The following ARV1 variants were observed in gnomAD, a reference collection of about 807,000 sequenced individuals.
ARV1 encodes the protein ARV1 fatty acid homeostasis modulator.
In ARV1, 26 loss-of-function variants were observed where a neutral mutation model predicts 31.1. The observed-to-expected ratio is 0.84, with a 90% CI of 0.61 to 1.16. The LOEUF (loss-of-function observed/expected upper bound fraction) is 1.16, where lower values mean the gene tolerates loss of function less well. Ranked by LOEUF, ARV1 falls within the 50% of genes most tolerant of loss-of-function variation. ARV1 has a pLI of 0.00. For missense variants in ARV1, 281 were observed against 324.9 expected (o/e 0.86, Z 1.04); for synonymous variants, 117 against 123.2 (o/e 0.95, Z 0.34).
chr1:230,999,235 T>G lies in ARV1; in HGVS notation c.*5-903T>G, dbSNP rs111413103. ...AGTGTCCACAGGTCTGATGTGGAAT[T>G]CGGTGTCACCTGCACTCTCCTGTTG... On this transcript the variant is annotated intron_variant, in intron 5 of 5. Coordinates refer to ENST00000310256, the MANE Select transcript of ARV1 (RefSeq NM_022786.3). Among the ~76,000 whole-genome samples, 934 of 152,302 alleles carry G rather than the reference T, an allele frequency of 6.1e-3. 6 individuals carry two copies. Among genetic ancestry groups the G allele is most frequent in the African/African-American group, 0.021 (875 of 41,564 alleles).
At chr1:230,995,630 G>A in intron 3 of ARV1, 130 bp from the exon 4 acceptor site, 2 of 662,780 alleles carry the variant, frequency 3.0e-6, no homozygotes, top group Non-Finnish European at 4.9e-6. Context: ...AAAAGAGATT[G>A]TGATCTTGAG....
chr1:230,984,246 G>C (rs112533398), intron 1 of ARV1, among the ~76,000 whole-genome samples: 16 of 152,050 alleles, frequency 1.1e-4, no homozygotes, highest in Non-Finnish European at 2.4e-4. Context: ...GTGAGACCTT[G>C]TCTCAAAAAG....
At chr1:230,981,871 C>T (rs976712281) in intron 1 of ARV1, among the ~76,000 whole-genome samples, 3 of 152,170 alleles carry the variant, frequency 2.0e-5, no homozygotes, top group Non-Finnish European at 4.4e-5. Flanking sequence ...TTCCTCAAGG[C>T]CTTTGCACAA....
chr1:230,984,359 T>TGTGCGC (rs1553303944), intron 1 of ARV1, among the ~76,000 whole-genome samples: 67 of 93,450 alleles, frequency 7.2e-4, no homozygotes, highest in Non-Finnish European at 1.0e-3. Context: ...TGTGTGTGTG[T>TGTGCGC]GTGCGTGTGT....
At chr1:230,990,043 G>T (rs1030298174) in intron 2 of ARV1, 67 bp from the exon 3 acceptor site, 2 of 1,480,262 alleles carry the variant, frequency 1.4e-6, no homozygotes, top group Middle Eastern at 1.8e-4. Context: ...CAAATACTCT[G>T]TACCTGTTGA....
intron 2 of ARV1, 149 bp downstream of exon 2, chr1:230,988,588 G>C (rs1679145040): frequency 1.6e-6 from 1 of 623,704 alleles, no homozygotes; most frequent in Non-Finnish European, 2.5e-6. Flanking sequence ...AACATATCTG[G>C]AAGTTTCTAG....
chr1:230,979,172 C>G lies in ARV1; in HGVS notation c.67C>G (p.Pro23Ala), dbSNP rs764360395. 8 of 1,613,144 alleles carry G rather than the reference C, an allele frequency of 5.0e-6. No homozygotes were observed. In the South Asian group the frequency reaches 5.5e-5, roughly 11 times the overall value. Residue 23 changes from proline to alanine, a missense_variant, in exon 1 of 6, where the codon CCT (proline) becomes GCT (alanine). Coordinates refer to ENST00000310256, the MANE Select transcript of ARV1 (RefSeq NM_022786.3). ...KGNVDGVAAT[P>A]TAASASCQYR... ...GAACGTGGATGGGGTGGCAGCGACT[C>G]CTACTGCTGCCTCGGCCTCCTGCCA...
chr1:230,981,012 T>C (rs1191411642), intron 1 of ARV1, among the ~76,000 whole-genome samples: 1 of 152,210 alleles, frequency 6.6e-6, no homozygotes, highest in African/African-American at 2.4e-5. Context: ...CAGTTAATGA[T>C]CAGCAGCATT....
At chr1:230,986,666 C>CTTTTT (rs1558242688) in intron 1 of ARV1, among the ~76,000 whole-genome samples, 2 of 79,690 alleles carry the variant, frequency 2.5e-5, no homozygotes, top group Non-Finnish European at 2.5e-5. Flanking sequence ...AATACTTTTC[C>CTTTTT]TATTTTTTTT....
chr1:230,984,363 C>CGCGCGT (rs1191353620), intron 1 of ARV1, among the ~76,000 whole-genome samples: 1 of 129,762 alleles, frequency 7.7e-6, no homozygotes, highest in Admixed American at 7.9e-5. Context: ...TGTGTGTGTG[C>CGCGCGT]GTGTGTGTGT....
chr1:230,993,998 G>A (rs917602817), intron 3 of ARV1, among the ~76,000 whole-genome samples: 5 of 152,226 alleles, frequency 3.3e-5, no homozygotes, highest in African/African-American at 1.2e-4. Flanking sequence ...AGGTAGGTAG[G>A]TTAGGGGTTC....
rs116139790 is a variant in ARV1, at chr1:230,985,878, T to C, written c.175-2442T>C. Among the ~76,000 whole-genome samples, 920 of 152,194 alleles carry C rather than the reference T, an allele frequency of 6.0e-3. 12 individuals carry two copies. The highest frequency in any genetic ancestry group is 0.021 in the African/African-American group (863 of 41,540). On this transcript the variant is annotated intron_variant, in intron 1 of 5. Transcript: ENST00000310256. Reference sequence around the variant, plus strand: ...CTTACTCCCTGCTCAGGTAAAGAACTGCAAAAATATTAACTCCTTATGCGT... The same window carrying C: ...CTTACTCCCTGCTCAGGTAAAGAACCGCAAAAATATTAACTCCTTATGCGT...
At chr1:230,988,966 T>C (rs1304583175) in intron 2 of ARV1, among the ~76,000 whole-genome samples, 1 of 152,094 alleles carries the variant, frequency 6.6e-6, no homozygotes, top group Non-Finnish European at 1.5e-5. Context: ...ATAGTTTGGG[T>C]AGAGTTGACA....
intron 3 of ARV1, among the ~76,000 whole-genome samples, chr1:230,993,303 C>A (rs1036024499): frequency 2.0e-5 from 3 of 152,014 alleles, no homozygotes; most frequent in Admixed American, 2.0e-4. Flanking sequence ...ACTCTGTTGT[C>A]CAGGTTGGTC....
intron 1 of ARV1, among the ~76,000 whole-genome samples, 183 bp from the exon 2 acceptor site, chr1:230,988,137 T>A (rs1679132979): frequency 6.6e-6 from 1 of 152,212 alleles, no homozygotes; most frequent in South Asian, 2.1e-4. Flanking sequence ...TTATATTTAG[T>A]CCTTTCTGAA....
At position 231,000,702 on chromosome 1, in the gene ARV1, T is replaced by C. The variant is rs756804638; in HGVS notation, c.*569T>C. ...GAGTTATATACTTTGCAAGGGTAAA[T>C]TACATCTGAATAAAGCTGTAATTAA... On this transcript the variant is annotated 3_prime_UTR_variant, in exon 6 of 6. Transcript: ENST00000310256. 44 of 152,330 alleles carry C rather than the reference T, an allele frequency of 2.9e-4. No individual in the cohort carries two copies. Among genetic ancestry groups the C allele is most frequent in the Admixed American group, 8.5e-4 (13 of 15,306 alleles). 9.4% of individuals were successfully genotyped at this position (152,330 alleles called of 1,614,324 possible).
chr1:230,987,366 G>A (rs550912788), intron 1 of ARV1, among the ~76,000 whole-genome samples: 44 of 152,296 alleles, frequency 2.9e-4, no homozygotes, highest in African/African-American at 9.4e-4. Context: ...CTGTGGCTAC[G>A]GGAGGACTGC....
rs1237202276 is a variant in ARV1, at chr1:230,990,502, A to G, written c.448+239A>G. On this transcript the variant is annotated intron_variant, in intron 3 of 5. Transcript: ENST00000310256. ...AGTAGTTATGCTTATCGGATTAGAA[A>G]GTTTCATAAAATATTTCGAAGCACA... 2.4e-5 allele frequency: 10 copies of G among 415,922 alleles called. No individual in the cohort carries two copies. In the East Asian group the frequency reaches 4.7e-4, roughly 20 times the overall value. The allele number at this position is 415,922 out of a possible 1,614,324, so 25.8% of individuals were successfully genotyped here. A position where few individuals can be genotyped will look rare whatever the true frequency, so the allele number is the denominator to read the frequency against.
intron 3 of ARV1, among the ~76,000 whole-genome samples, chr1:230,991,185 C>T (rs973512487): frequency 8.5e-5 from 13 of 152,128 alleles, no homozygotes; most frequent in African/African-American, 3.1e-4. Context: ...TTGCTAGTTC[C>T]ATGCTTCTCT....
Sources: allele counts gnomAD v4.1 joint callset (sites outside exome capture counted in the v4.1 genomes callset), GRCh38; gene constraint gnomAD v4.1.1; transcripts MANE v1.5; gene names NCBI Gene and HGNC (gene_info 2026-07-23, HGNC 2026-07-21).